The following SFTPD variants were observed in gnomAD, a reference collection of about 807,000 sequenced individuals.
The protein encoded by SFTPD is surfactant protein D.
Under a neutral mutation model 34.6 loss-of-function variants are expected in SFTPD, and 18 were observed. The ratio of observed to expected loss-of-function variants is 0.52; its 90% CI spans 0.36 to 0.77. SFTPD has a LOEUF of 0.77. Among genes scored for constraint, SFTPD ranks in the 30% least tolerant of loss-of-function variants. The probability of loss-of-function intolerance (pLI) is 0.00; values close to 1 mark genes in which losing one functional copy is unlikely to be tolerated. For synonymous variants in SFTPD, 155 were observed against 180.9 expected (o/e 0.86, Z 1.15); for missense variants, 433 against 468.9 (o/e 0.92, Z 0.71).
chr10:79,940,604 C>T lies in SFTPD; in HGVS notation c.751+101G>A, dbSNP rs1353095866. On this transcript the variant is annotated intron_variant, in intron 7 of 7. Transcript: ENST00000372292. ...ACCCAGGGCAGGCTCTGCCTCAGGT[C>T]CAGCCAAAGGTCTAGCCCCAGCCAA... 4.1e-6 allele frequency: 3 copies of T among 739,356 alleles called. No homozygotes were observed. In the African/African-American group the frequency reaches 5.2e-5, roughly 13 times the overall value. 45.8% of individuals were successfully genotyped at this position (739,356 alleles called of 1,614,324 possible). A position where few individuals can be genotyped will look rare whatever the true frequency, so the allele number is the denominator to read the frequency against.
At chr10:79,952,987 C>T (rs1234814469), upstream of SFTPD, among the ~76,000 whole-genome samples, 3 of 152,210 alleles carry the variant, frequency 2.0e-5, no homozygotes, top group Non-Finnish European at 2.9e-5. Flanking sequence ...ACTCTATGTT[C>T]CTTGGAAGTC....
intron 1 of SFTPD, among the ~76,000 whole-genome samples, chr10:79,960,599 C>G (rs1004092069): frequency 5.3e-5 from 8 of 150,230 alleles, no homozygotes; most frequent in East Asian, 2.0e-4. Flanking sequence ...GGATGTGAAG[C>G]ACCTCTTCAA....
intron 1 of SFTPD, among the ~76,000 whole-genome samples, chr10:79,964,107 C>T (rs1169544771): frequency 7.9e-5 from 12 of 152,180 alleles, no homozygotes; most frequent in African/African-American, 2.4e-4. Context: ...CACTACCTCT[C>T]AGCAAGTTGA....
Position 79,941,512 on chromosome 10 carries a change from A to G in SFTPD, c.553T>C (p.Ser185Pro). 2.0e-5 allele frequency: 31 copies of G among 1,589,516 alleles called. No homozygotes were observed. Among genetic ancestry groups the G allele is most frequent in the Non-Finnish European group, 2.6e-5 (31 of 1,171,510 alleles). Residue 185 changes from serine (S) to proline (P), a missense_variant and splice_region_variant, in exon 6 of 8, where the codon TCT becomes CCT. By Grantham distance (74) the Ser-to-Pro change is moderately conservative. Coordinates refer to ENST00000372292, the MANE Select transcript of SFTPD (RefSeq NM_003019.5). ...GVPGNTGAAG[S>P]AGAMGPQGSP... ...CCCTGGGGACCCATGGCTCCAGCAG[A>G]CCCTGGGGTAAAAGAAGAACTGGGT...
At chr10:79,958,214 C>T (rs1023058061) in intron 1 of SFTPD, among the ~76,000 whole-genome samples, 7 of 152,124 alleles carry the variant, frequency 4.6e-5, no homozygotes, top group African/African-American at 1.4e-4. Flanking sequence ...ATGTAAAGAC[C>T]GTCAAGGCTA....
intron 1 of SFTPD, among the ~76,000 whole-genome samples, chr10:79,966,867 C>T (rs1158670259): frequency 2.0e-5 from 3 of 147,826 alleles, no homozygotes; most frequent in Non-Finnish European, 4.4e-5. Context: ...TTGTTTTTCT[C>T]AGGTTTGTCT....
intron 1 of SFTPD, among the ~76,000 whole-genome samples, chr10:79,965,553 A>AATTTTTTTTTTTTTTTTTTTTTTTTTTT (rs1842799114): frequency 1.6e-5 from 1 of 61,184 alleles, no homozygotes; most frequent in Non-Finnish European, 3.5e-5. Flanking sequence ...TTTTTTTTTT[A>AATTTTTTTTTTTTTTTTTTTTTTTTTTT]ATTTTTTATT....
At chr10:79,981,561 G>A (rs549149896) in intron 1 of SFTPD, among the ~76,000 whole-genome samples, 43 of 152,130 alleles carry the variant, frequency 2.8e-4, no homozygotes, top group Non-Finnish European at 1.5e-5. Context: ...AGCCCAGGGG[G>A]AGCGAGGCGA....
At chr10:79,964,092 C>A (rs965145962) in intron 1 of SFTPD, among the ~76,000 whole-genome samples, 1 of 152,072 alleles carries the variant, frequency 6.6e-6, no homozygotes, top group Non-Finnish European at 1.5e-5. Context: ...CACTCTGCCC[C>A]CCTCCACTAC....
At chr10:79,944,574 G>C (rs1842646960) in intron 2 of SFTPD, among the ~76,000 whole-genome samples, 2 of 152,116 alleles carry the variant, frequency 1.3e-5, no homozygotes, top group African/African-American at 4.8e-5. Flanking sequence ...AGTAGGGGTG[G>C]CAGCACCAAA....
chr10:79,938,228 A>G lies in SFTPD; in HGVS notation c.752T>C (p.Val251Ala), dbSNP rs558995332. The change falls in exon 8 of 8, where the codon GTT (valine) becomes GCT (alanine). Residue 251 changes from valine (V) to alanine (A), a missense_variant and splice_region_variant. Physicochemically the swap from Val to Ala is moderately conservative, Grantham distance 64. Transcript: ENST00000372292. ...LQAAFSQYKK[V>A]ELFPNGQSVG... ...ACTTTGGCCATTTGGGAAGAGCTCA[A>G]CTAGGAGAAGAAGAAAGTCAGGTTG... is the stretch of plus-strand genomic sequence containing the variant. 30 of 1,586,044 alleles carry G rather than the reference A, an allele frequency of 1.9e-5. No homozygotes were observed. The East Asian group carries it at 4.7e-4, about 25-fold the overall frequency.
chr10:79,947,710 T>C (rs886199348), intron 1 of SFTPD, among the ~76,000 whole-genome samples: 1 of 151,922 alleles, frequency 6.6e-6, no homozygotes, highest in Non-Finnish European at 1.5e-5. Flanking sequence ...AGAAGTCTTA[T>C]ATGGAAAGAG....
At chr10:79,961,845 G>A (rs1043694331) in intron 1 of SFTPD, among the ~76,000 whole-genome samples, 10 of 151,926 alleles carry the variant, frequency 6.6e-5, no homozygotes, top group African/African-American at 9.7e-5. Flanking sequence ...ACATACACAC[G>A]TATGTTTATT....
At chr10:79,965,658 T>C in intron 1 of SFTPD, among the ~76,000 whole-genome samples, 1 of 115,738 alleles carries the variant, frequency 8.6e-6, no homozygotes. Flanking sequence ...TGTATACATG[T>C]GCCATGCTGG....
chr10:79,977,953 G>C (rs1173152628), intron 1 of SFTPD, among the ~76,000 whole-genome samples: 5 of 152,188 alleles, frequency 3.3e-5, no homozygotes, highest in African/African-American at 9.7e-5. Context: ...TTATTAAGCA[G>C]TGCAATCTTT....
intron 1 of SFTPD, among the ~76,000 whole-genome samples, chr10:79,974,952 G>A (rs143716382): frequency 4.5e-4 from 68 of 152,302 alleles, no homozygotes; most frequent in African/African-American, 1.6e-3. Flanking sequence ...TATCCCTTAT[G>A]GGAAACAAAG....
intron 1 of SFTPD, chr10:79,968,846 T>C (rs1258298325): frequency 6.6e-6 from 1 of 152,210 alleles, no homozygotes; most frequent in Non-Finnish European, 1.5e-5. Flanking sequence ...TATTTTTTTT[T>C]CTTTTTCATG....
At chr10:79,967,937 A>G (rs2132519256) in intron 1 of SFTPD, among the ~76,000 whole-genome samples, 2 of 151,666 alleles carry the variant, frequency 1.3e-5, no homozygotes, top group East Asian at 3.9e-4. Flanking sequence ...CAAATCCTAT[A>G]AAACAGCCCC....
At chr10:79,960,966 G>C (rs1842768895) in intron 1 of SFTPD, among the ~76,000 whole-genome samples, 1 of 152,152 alleles carries the variant, frequency 6.6e-6, no homozygotes, top group Non-Finnish European at 1.5e-5. Flanking sequence ...CAATGGAACA[G>C]AACAGAGCCC....
Sources: gnomAD v4.1 joint callset for allele counts (sites outside exome capture counted in the v4.1 genomes callset) on GRCh38, gnomAD v4.1.1 for gene constraint, MANE v1.5 for transcripts, NCBI Gene and HGNC (gene_info 2026-07-23, HGNC 2026-07-21) for gene names.